The following EPS15 variants were observed in gnomAD, a reference collection of about 807,000 sequenced individuals.
EPS15 encodes the protein epidermal growth factor receptor substrate 15.
Under a neutral mutation model 113.8 loss-of-function variants are expected in EPS15, and 72 were observed. The ratio of observed to expected loss-of-function variants is 0.63; its 90% CI spans 0.52 to 0.77. The LOEUF is 0.77. EPS15 is among the 30% of genes least tolerant of loss of function. The pLI is 0.00. For synonymous variants in EPS15, 344 were observed against 363.4 expected (o/e 0.95, Z 0.61); for missense variants, 1,048 against 1,045.8 (o/e 1.00, Z -0.03).
At chr1:51,402,216 G>A (rs745805216) in intron 18 of EPS15, among the ~76,000 whole-genome samples, 27 of 148,518 alleles carry the variant, frequency 1.8e-4, no homozygotes, top group Non-Finnish European at 3.4e-4. Flanking sequence ...GTGTGGTGGT[G>A]GGCGCCTGTA....
At chr1:51,498,610 T>C (rs1644365048) in intron 1 of EPS15, among the ~76,000 whole-genome samples, 1 of 152,224 alleles carries the variant, frequency 6.6e-6, no homozygotes, top group South Asian at 2.1e-4. Context: ...AATGCATTTC[T>C]GACATATGAT....
chr1:51,489,325 ATT>A (rs1264887251), intron 1 of EPS15, among the ~76,000 whole-genome samples: 1 of 140,446 alleles, frequency 7.1e-6, no homozygotes, highest in Non-Finnish European at 1.5e-5. Context: ...GTATGTATGT[ATT>A]TTTTTTTTTT....
intron 12 of EPS15, among the ~76,000 whole-genome samples, chr1:51,428,444 TA>T (rs1443382016): frequency 2.0e-5 from 3 of 152,218 alleles, no homozygotes; most frequent in African/African-American, 7.2e-5. Context: ...AATCTGTTAG[TA>T]GATACACAAT....
chr1:51,401,325 C>T (rs1358960918), intron 18 of EPS15: 1 of 160,584 alleles, frequency 6.2e-6, no homozygotes, highest in Non-Finnish European at 1.4e-5. Flanking sequence ...TAAATCCTTA[C>T]CTTTATGGTC....
intron 13 of EPS15, among the ~76,000 whole-genome samples, chr1:51,419,288 G>A (rs879672568): frequency 2.0e-5 from 3 of 151,866 alleles, no homozygotes; most frequent in Admixed American, 2.0e-4. Flanking sequence ...ATCCTAAACA[G>A]AAAGTTTTCA....
chr1:51,461,138 T>C lies in EPS15; in HGVS notation c.514A>G (p.Ser172Gly). 2 of 1,600,354 alleles carry C rather than the reference T, an allele frequency of 1.2e-6. No homozygotes were observed. The highest frequency in any genetic ancestry group is 1.7e-6 in the Non-Finnish European group (2 of 1,167,598). ...VDILGRVWEL[S>G]DIDHDGMLDR... ...AGCATTCCATCATGGTCAATATCAC[T>C]CAACTCCCAAACCTTAAAAAGAGAA... is the stretch of plus-strand genomic sequence containing the variant. Residue 172 changes from serine (S) to glycine (G), a missense_variant, in exon 8 of 25, where the codon AGT becomes GGT. Ser to Gly is a moderately conservative substitution (Grantham distance 56). Coordinates refer to ENST00000371733, the MANE Select transcript of EPS15 (RefSeq NM_001981.3).
chr1:51,399,425 AC>A (rs1173968854), intron 19 of EPS15, among the ~76,000 whole-genome samples: 16 of 150,206 alleles, frequency 1.1e-4, no homozygotes, highest in Admixed American at 6.6e-5. Context: ...GGTGGTGCGC[AC>A]CTATAGTCCC....
intron 1 of EPS15, among the ~76,000 whole-genome samples, chr1:51,507,117 C>T (rs1318986028): frequency 6.6e-6 from 1 of 152,146 alleles, no homozygotes; most frequent in African/African-American, 2.4e-5. Flanking sequence ...TAAAAATTCA[C>T]TCATTTGATT....
At chr1:51,376,157 T>C (rs1458165580) in intron 21 of EPS15, among the ~76,000 whole-genome samples, 1 of 152,248 alleles carries the variant, frequency 6.6e-6, no homozygotes, top group Admixed American at 6.5e-5. Flanking sequence ...TTGAGTCTCC[T>C]ATGGGGCTAA....
intron 12 of EPS15, among the ~76,000 whole-genome samples, chr1:51,424,429 T>C (rs755664713): frequency 5.9e-5 from 9 of 152,194 alleles, no homozygotes; most frequent in African/African-American, 9.6e-5. Context: ...ATTTTGAACA[T>C]GTATATTTTT....
At chr1:51,494,050 T>G (rs1644287906) in intron 1 of EPS15, among the ~76,000 whole-genome samples, 1 of 152,182 alleles carries the variant, frequency 6.6e-6, no homozygotes, top group South Asian at 2.1e-4. Context: ...CTACATCAAA[T>G]TTAGTAATTT....
intron 21 of EPS15, among the ~76,000 whole-genome samples, chr1:51,378,507 T>C (rs1032824332): frequency 1.3e-5 from 2 of 152,126 alleles, no homozygotes; most frequent in South Asian, 4.1e-4. Context: ...CTCCAAGGTA[T>C]GGCTGTACTT....
At chr1:51,445,140 G>T in intron 10 of EPS15, 95 bp from the exon 11 acceptor site, 2 of 1,189,116 alleles carry the variant, frequency 1.7e-6, no homozygotes, top group South Asian at 3.0e-5. Context: ...AAAATAATGA[G>T]GTGAATTTAA....
rs905851413 is a variant in EPS15, at chr1:51,461,104, T to G, written c.548A>C (p.Asp183Ala). 6.2e-7 allele frequency: 1 copy of G among 1,600,360 alleles called. No individual in the cohort carries two copies. Among genetic ancestry groups the G allele is most frequent in the African/African-American group, 1.3e-5 (1 of 74,670 alleles). The change falls in exon 8 of 25, where the codon GAT becomes GCT. Residue 183 changes from aspartate to alanine, a missense_variant. Coordinates refer to ENST00000371733, the MANE Select transcript of EPS15 (RefSeq NM_001981.3). ...DIDHDGMLDR[D>A]EFAVAMFLVY... ...TAGATTACTTACAACTGCAAACTCATCTCTGTCAAGCATTCCATCATGGTC... is the reference window on the plus strand; with the variant it reads ...TAGATTACTTACAACTGCAAACTCAGCTCTGTCAAGCATTCCATCATGGTC...
intron 21 of EPS15, chr1:51,394,150 T>G (rs900005861): frequency 3.1e-6 from 1 of 322,726 alleles, no homozygotes; most frequent in Non-Finnish European, 5.8e-6. Flanking sequence ...TTACTGATAC[T>G]GGGTAGAGTT....
At chr1:51,472,810 T>C (rs776615089) in intron 3 of EPS15, 49 bp downstream of exon 3, 3 of 1,378,678 alleles carry the variant, frequency 2.2e-6, no homozygotes, top group Non-Finnish European at 2.1e-6. Context: ...TCATCTATAG[T>C]ACACATTCCT....
intron 5 of EPS15, among the ~76,000 whole-genome samples, chr1:51,468,081 C>G (rs1438713301): frequency 1.3e-5 from 2 of 152,060 alleles, no homozygotes; most frequent in African/African-American, 4.8e-5. Flanking sequence ...ATCTCAGCCT[C>G]CCAAGTAGCT....
chr1:51,372,568 G>C (rs901048657), intron 21 of EPS15: 1 of 525,222 alleles, frequency 1.9e-6, no homozygotes, highest in African/African-American at 1.9e-5. Flanking sequence ...AACTACACAA[G>C]AGTAACATTG....
chr1:51,387,358 CA>C (rs1479210560), intron 21 of EPS15, among the ~76,000 whole-genome samples: 2 of 152,048 alleles, frequency 1.3e-5, no homozygotes, highest in African/African-American at 4.8e-5. Context: ...CCAGCCACTG[CA>C]AAATCATGCC....
Sources: gnomAD v4.1 joint callset for allele counts (sites outside exome capture counted in the v4.1 genomes callset) on GRCh38, gnomAD v4.1.1 for gene constraint, MANE v1.5 for transcripts, NCBI Gene and HGNC (gene_info 2026-07-23, HGNC 2026-07-21) for gene names.